The following EPX variants were observed in gnomAD, a reference collection of about 807,000 sequenced individuals.
The protein encoded by EPX is eosinophil peroxidase.
In EPX, 60 loss-of-function variants were observed where a neutral mutation model predicts 73.0. The ratio of observed to expected loss-of-function variants is 0.82; its 90% CI spans 0.67 to 1.02. The LOEUF is 1.02. Ranked by LOEUF, EPX falls within the 50% of genes least tolerant of loss-of-function variation. The pLI, the probability that EPX is intolerant of heterozygous loss-of-function variation, is 0.00. For synonymous variants in EPX, 347 were observed against 389.2 expected (o/e 0.89, Z 1.28); for missense variants, 950 against 973.9 (o/e 0.98, Z 0.33).
At chr17:58,203,782 A>G (rs1038360377) in intron 11 of EPX, among the ~76,000 whole-genome samples, 3 of 150,822 alleles carry the variant, frequency 2.0e-5, no homozygotes, top group African/African-American at 7.3e-5. Context: ...AATACAAAAA[A>G]TTAGCCGGGC....
rs1334538226 is a variant in EPX at position 58,200,358 on chromosome 17, T to C, written c.1671T>C (p.Ala557=). 6 of 1,614,042 alleles carry C rather than the reference T, an allele frequency of 3.7e-6. No homozygotes were observed. The African/African-American group carries it at 6.7e-5, about 18-fold the overall frequency. ...GGAGGATTGGGCTGGACCTGGCAGC[T>C]CTCAACATGCAACGAAGCCGGGACC... ...QVRRIGLDLA[A]LNMQRSRDHG... Residue 557 remains alanine (A), a synonymous_variant, in exon 10 of 13, where the codon GCT becomes GCC. Coordinates refer to ENST00000225371, the MANE Select transcript of EPX (RefSeq NM_000502.6).
rs754678202 is a variant in EPX at position 58,204,297 on chromosome 17, T to C, written c.2022T>C (p.Ile674=). The change falls in exon 12 of 13, where the codon ATT becomes ATC. Residue 674 remains isoleucine (I), a synonymous_variant. Coordinates refer to ENST00000225371, the MANE Select transcript of EPX (RefSeq NM_000502.6). ...KALSRISLSR[I]ICDNTGITTV... Reference sequence around the variant, plus strand: ...TGAGCAGAATTTCCTTGTCTCGAATTATATGTGACAATACCGGTATCACCA... The same window carrying C: ...TGAGCAGAATTTCCTTGTCTCGAATCATATGTGACAATACCGGTATCACCA... The C allele has an allele frequency of 1.9e-6, 3 of 1,613,610 alleles. No homozygotes were observed. Among genetic ancestry groups the C allele is most frequent in the Non-Finnish European group, 2.5e-6 (3 of 1,179,662 alleles).
At position 58,204,315 on chromosome 17, in the gene EPX, T is replaced by C; in HGVS notation, c.2040T>C (p.Gly680=). The change falls in exon 12 of 13, where the codon GGT becomes GGC. Residue 680 remains glycine (G), a synonymous_variant. Coordinates refer to ENST00000225371, the MANE Select transcript of EPX (RefSeq NM_000502.6). ...CTCGAATTATATGTGACAATACCGG[T>C]ATCACCACGGTTTCAAGGGACATCT... The part of the protein sequence containing the change: ...SLSRIICDNT[G]ITTVSRDIFR... 2 of 1,613,386 alleles carry C rather than the reference T, an allele frequency of 1.2e-6. No individual in the cohort carries two copies. The highest frequency in any genetic ancestry group is 2.7e-5 in the African/African-American group (2 of 75,036).
intron 10 of EPX, among the ~76,000 whole-genome samples, chr17:58,201,457 A>G (rs1470349629): frequency 6.6e-6 from 1 of 152,170 alleles, no homozygotes; most frequent in Non-Finnish European, 1.5e-5. Context: ...CAATGCAGGT[A>G]TTTATTTCCA....
intron 4 of EPX, 50 bp from the exon 5 acceptor site, chr17:58,193,913 G>A: frequency 6.2e-7 from 1 of 1,612,184 alleles, no homozygotes; most frequent in South Asian, 1.1e-5. Flanking sequence ...TCCATGCTGA[G>A]CCATCTCCAG....
At position 58,199,681 on chromosome 17, in the gene EPX, C is replaced by T; in HGVS notation, c.1424C>T (p.Thr475Ile). 6.2e-7 allele frequency: 1 copy of T among 1,614,280 alleles called. No homozygotes were observed. The highest frequency in any genetic ancestry group is 8.5e-7 in the Non-Finnish European group (1 of 1,180,050). ...VFTLAFRFGH[T>I]MLQPFMFRLD... ...ACCCTGGCCTTCCGCTTTGGCCACA[C>T]AATGCTCCAGCCCTTCATGTTCCGC... is the stretch of plus-strand genomic sequence containing the variant. The change falls in exon 9 of 13, where the codon ACA (threonine) becomes ATA (isoleucine). Residue 475 changes from threonine to isoleucine, a missense_variant. Physicochemically the swap from Thr to Ile is moderately conservative, Grantham distance 89. Coordinates refer to ENST00000225371, the MANE Select transcript of EPX (RefSeq NM_000502.6).
At position 58,204,767 on chromosome 17, in the gene EPX, C is replaced by A. The variant is rs1465666241; in HGVS notation, c.*43C>A. 1 of 303,732 alleles carries A rather than the reference C, an allele frequency of 3.3e-6. No homozygotes were observed. Among genetic ancestry groups the A allele is most frequent in the Non-Finnish European group, 6.3e-6 (1 of 158,260 alleles). The allele number at this position is 303,732 out of a possible 1,614,324, so 18.8% of individuals were successfully genotyped here. A position where few individuals can be genotyped will look rare whatever the true frequency, so the allele number is the denominator to read the frequency against. On this transcript the variant is annotated 3_prime_UTR_variant, in exon 13 of 13. Coordinates refer to ENST00000225371, the MANE Select transcript of EPX (RefSeq NM_000502.6). ...ATCCCAAGTCTCCAACTTTTGGAGA[C>A]AAGGGGAAGGGGAGGACCATGAGGC...
intron 6 of EPX, among the ~76,000 whole-genome samples, chr17:58,196,387 C>T (rs1170380669): frequency 6.6e-6 from 1 of 152,160 alleles, no homozygotes; most frequent in African/African-American, 2.4e-5. Context: ...GGATTATAGG[C>T]GTGAGCCACC....
In EPX at chr17:58,204,314, G is replaced by T. The variant is rs1347922005; in HGVS notation, c.2039G>T (p.Gly680Val). 6.2e-7 allele frequency: 1 copy of T among 1,613,420 alleles called. No homozygotes were observed. Among genetic ancestry groups the T allele is most frequent in the Admixed American group, 1.7e-5 (1 of 60,016 alleles). ...TCTCGAATTATATGTGACAATACCG[G>T]TATCACCACGGTTTCAAGGGACATC... is the stretch of plus-strand genomic sequence containing the variant. ...SLSRIICDNT[G>V]ITTVSRDIFR... Residue 680 changes from glycine to valine, a missense_variant, in exon 12 of 13, where the codon GGT becomes GTT. Coordinates refer to ENST00000225371, the MANE Select transcript of EPX (RefSeq NM_000502.6).
In EPX at chr17:58,192,910, G is replaced by A; in HGVS notation, c.64G>A (p.Gly22Ser). ...ATLVLAQPCEGTDPASPGAVE... is the reference protein window; with the variant it reads ...ATLVLAQPCESTDPASPGAVE... ...ACTCGTCCTCGCCCAGCCCTGTGAG[G>A]GCACTGACCCAGGTAATAGTCCCCT... The change falls in exon 1 of 13, where the codon GGC becomes AGC. Residue 22 changes from glycine to serine, a missense_variant. Transcript: ENST00000225371. The A allele has an allele frequency of 1.2e-6, 2 of 1,614,172 alleles. No homozygotes were observed. Among genetic ancestry groups the A allele is most frequent in the East Asian group, 4.5e-5 (2 of 44,868 alleles).
rs2143725452 is a variant in EPX, at chr17:58,205,036, G to A, written c.*312G>A. The stretch of plus-strand genomic sequence containing the variant: ...TGGAGGGTTTACAGCACTTTCTACT[G>A]TTTCCCAGCCCTCCCTCCCCTCCCT... On this transcript the variant is annotated 3_prime_UTR_variant, in exon 13 of 13. Transcript: ENST00000225371. 2 of 163,584 alleles carry A rather than the reference G, an allele frequency of 1.2e-5. No homozygotes were observed. Among genetic ancestry groups the A allele is most frequent in the Non-Finnish European group, 2.7e-5 (2 of 74,300 alleles). 10.1% of individuals were successfully genotyped at this position (163,584 alleles called of 1,614,324 possible). A position where few individuals can be genotyped will look rare whatever the true frequency, so the allele number is the denominator to read the frequency against.
At chr17:58,194,873 G>A (rs2143706168) in intron 5 of EPX, 91 bp from the exon 6 acceptor site, 5 of 922,448 alleles carry the variant, frequency 5.4e-6, no homozygotes, top group East Asian at 5.2e-5. Context: ...ATTCCAGCAG[G>A]GGAGCTGCTG....
At chr17:58,203,009 G>A in intron 10 of EPX, 72 bp from the exon 11 acceptor site, 3 of 1,120,964 alleles carry the variant, frequency 2.7e-6, no homozygotes, top group Non-Finnish European at 4.1e-6. Flanking sequence ...CCCCCCAGAG[G>A]ACTGGTGGAG....
Position 58,199,842 on chromosome 17 carries a change from G to A in EPX, c.1537+48G>A, listed in dbSNP as rs747178712. The A allele has an allele frequency of 1.3e-4, 206 of 1,592,962 alleles. 4 individuals carry two copies. Among genetic ancestry groups the A allele is most frequent in the Non-Finnish European group, 1.7e-4 (201 of 1,165,168 alleles). The stretch of plus-strand genomic sequence containing the variant: ...AAATGGGGGTGAGGGTGGGGAGCAT[G>A]CCCTCCCCTAGGTGGGCCAAGCTTA... On this transcript the variant is annotated intron_variant, in intron 9 of 12. Coordinates refer to ENST00000225371, the MANE Select transcript of EPX (RefSeq NM_000502.6).
At chr17:58,201,693 T>C (rs577162121) in intron 10 of EPX, among the ~76,000 whole-genome samples, 5 of 152,318 alleles carry the variant, frequency 3.3e-5, no homozygotes, top group South Asian at 2.1e-4. Context: ...ATAGGGATGT[T>C]CCTTCAGTTG....
Position 58,193,421 on chromosome 17 carries a change from C to T in EPX, c.221C>T (p.Ser74Phe), listed in dbSNP as rs1567787627. 4 of 1,614,206 alleles carry T rather than the reference C, an allele frequency of 2.5e-6. No homozygotes were observed. The highest frequency in any genetic ancestry group is 3.4e-6 in the Non-Finnish European group (4 of 1,180,024). The change falls in exon 3 of 13, where the codon TCC (serine) becomes TTC (phenylalanine). Residue 74 changes from serine (S) to phenylalanine (F), a missense_variant. Physicochemically the swap from Ser to Phe is radical, Grantham distance 155 (BLOSUM62 -2). Coordinates refer to ENST00000225371, the MANE Select transcript of EPX (RefSeq NM_000502.6). ...TCAGCCAGCCCCATGGACCTCCTGTCCTACTTCAAACAACCGGTAGCAGCC... is the reference window on the plus strand; with the variant it reads ...TCAGCCAGCCCCATGGACCTCCTGTTCTACTTCAAACAACCGGTAGCAGCC... Reference protein sequence around the residue: ...SGSASPMDLLSYFKQPVAATR... With the variant: ...SGSASPMDLLFYFKQPVAATR...
chr17:58,204,566 G>T (rs543581424), intron 12 of EPX, 132 bp downstream of exon 12: 2 of 641,576 alleles, frequency 3.1e-6, no homozygotes, highest in East Asian at 5.5e-5. Context: ...TTTCCAAGTG[G>T]CTTCCCAATG....
At chr17:58,193,231 T>C (rs1272117167) in intron 2 of EPX, 100 bp downstream of exon 2, 13 of 1,223,710 alleles carry the variant, frequency 1.1e-5, no homozygotes, top group Admixed American at 1.7e-5. Flanking sequence ...CTGGACCCCA[T>C]GAACATTTCC....
intron 10 of EPX, among the ~76,000 whole-genome samples, 169 bp downstream of exon 10, chr17:58,200,564 G>A (rs928365855): frequency 1.3e-5 from 2 of 152,316 alleles, no homozygotes; most frequent in East Asian, 1.9e-4. Flanking sequence ...CTGGAACACC[G>A]CTTGCTGTCC....
Sources: gnomAD v4.1 joint callset for allele counts (sites outside exome capture counted in the v4.1 genomes callset) on GRCh38, gnomAD v4.1.1 for gene constraint, MANE v1.5 for transcripts, NCBI Gene and HGNC (gene_info 2026-07-23, HGNC 2026-07-21) for gene names.